PPM1L: variants seen among roughly 807,000 people sequenced by gnomAD.
PPM1L encodes the protein protein phosphatase, Mg2+/Mn2+ dependent 1L.
A neutral mutation model predicts 31.4 loss-of-function variants in PPM1L; 13 were observed. That is an observed-to-expected ratio of 0.41 (90% CI 0.27 to 0.66). The LOEUF is 0.66. Ranked by LOEUF, PPM1L falls within the 30% of genes least tolerant of loss-of-function variation. The pLI is 0.29. For missense variants in PPM1L, 326 were observed against 453.7 expected (o/e 0.72, Z 2.56); for synonymous variants, 184 against 175.4 (o/e 1.05, Z -0.39).
chr3:161,004,830 CT>C (rs1717646968), intron 2 of PPM1L, among the ~76,000 whole-genome samples: 1 of 151,998 alleles, frequency 6.6e-6, no homozygotes, highest in Admixed American at 6.5e-5. Context: ...TTTTTTGTAT[CT>C]CTATTTCCTT....
intron 1 of PPM1L, among the ~76,000 whole-genome samples, chr3:160,778,313 C>G (rs906343855): frequency 1.3e-5 from 2 of 151,932 alleles, no homozygotes; most frequent in Non-Finnish European, 2.9e-5. Context: ...CTAATACTTT[C>G]TCCTATATTT....
chr3:160,960,424 T>C (rs1301114992), intron 1 of PPM1L, among the ~76,000 whole-genome samples: 1 of 152,148 alleles, frequency 6.6e-6, no homozygotes, highest in Non-Finnish European at 1.5e-5. Context: ...CTGATAACCA[T>C]AGTCACCCTA....
intron 1 of PPM1L, among the ~76,000 whole-genome samples, chr3:160,796,106 T>C (rs1461396959): frequency 6.6e-6 from 1 of 152,224 alleles, no homozygotes; most frequent in Admixed American, 6.5e-5. Flanking sequence ...CTGGGAATGC[T>C]TAAAATAATA....
chr3:161,011,036 C>A (rs1329503983), intron 2 of PPM1L, among the ~76,000 whole-genome samples: 1 of 152,172 alleles, frequency 6.6e-6, no homozygotes, highest in Non-Finnish European at 1.5e-5. Flanking sequence ...TCCCATTTGT[C>A]AATTTTGGCT....
chr3:161,062,885 CAGTTGGTGT>C (rs1197681672), intron 2 of PPM1L, among the ~76,000 whole-genome samples: 2 of 152,130 alleles, frequency 1.3e-5, no homozygotes, highest in Non-Finnish European at 2.9e-5. Flanking sequence ...GCCTACTAGG[CAGTTGGTGT>C]AGACCTCAGG....
intron 1 of PPM1L, among the ~76,000 whole-genome samples, chr3:160,762,063 T>C (rs962106212): frequency 1.3e-5 from 2 of 152,238 alleles, no homozygotes; most frequent in Non-Finnish European, 1.5e-5. Context: ...GCTTGTATTA[T>C]ATGTATTTAT....
At chr3:161,016,210 T>C (rs1718083558) in intron 2 of PPM1L, among the ~76,000 whole-genome samples, 2 of 152,110 alleles carry the variant, frequency 1.3e-5, no homozygotes, top group Non-Finnish European at 2.9e-5. Context: ...TCTAGGCAAC[T>C]GGTAAAAAAA....
At chr3:160,987,461 C>T (rs549961265) in intron 2 of PPM1L, among the ~76,000 whole-genome samples, 1 of 152,312 alleles carries the variant, frequency 6.6e-6, no homozygotes, top group South Asian at 2.1e-4. Flanking sequence ...TATACCCAAA[C>T]TTGATGTATC....
In PPM1L at chr3:160,800,773, G is replaced by A. The variant is rs140158811; in HGVS notation, c.399+44066G>A. On this transcript the variant is annotated intron_variant, in intron 1 of 3. Coordinates refer to ENST00000498165, the MANE Select transcript of PPM1L (RefSeq NM_139245.4). ...CTGATTCTGCACCTAGGCTCTCTTGGATTAATAATGTACTCTAAGATTTGG... is the reference window on the plus strand; with the variant it reads ...CTGATTCTGCACCTAGGCTCTCTTGAATTAATAATGTACTCTAAGATTTGG... Among the ~76,000 whole-genome samples, 87 of 152,118 alleles carry A rather than the reference G, an allele frequency of 5.7e-4. No individual in the cohort carries two copies. In the East Asian group the frequency reaches 0.012, roughly 22 times the overall value.
intron 2 of PPM1L, among the ~76,000 whole-genome samples, chr3:161,028,259 G>A (rs1448719581): frequency 1.3e-5 from 2 of 152,134 alleles, no homozygotes; most frequent in Non-Finnish European, 2.9e-5. Flanking sequence ...TGAATGAAAC[G>A]GCACGTGTAA....
rs1296529520 is a variant in PPM1L, at chr3:160,976,172, A to C, written c.574+14262A>C. 5.5e-5 allele frequency among the ~76,000 whole-genome samples: 6 copies of C among 109,734 alleles called. 1 individual carries two copies. Among genetic ancestry groups the C allele is most frequent in the Admixed American group, 1.1e-4 (1 of 9,522 alleles). The allele number at this position is 109,734 out of a possible 152,430, so 72.0% of individuals were successfully genotyped here. A position where few individuals can be genotyped will look rare whatever the true frequency, so the allele number is the denominator to read the frequency against. ...TTTGGCTCTGTTTATATGCTGGATT[A>C]CATTTATTGATTTGCATATATTGAA... On this transcript the variant is annotated intron_variant, in intron 2 of 3. Transcript: ENST00000498165.
At chr3:160,970,880 C>G (rs974059870) in intron 2 of PPM1L, among the ~76,000 whole-genome samples, 11 of 149,424 alleles carry the variant, frequency 7.4e-5, no homozygotes, top group Non-Finnish European at 1.3e-4. Flanking sequence ...GGCTCCGCCC[C>G]CTGGGGTTCA....
At chr3:161,010,367 G>A (rs1576780978) in intron 2 of PPM1L, among the ~76,000 whole-genome samples, 1 of 152,064 alleles carries the variant, frequency 6.6e-6, no homozygotes, top group East Asian at 1.9e-4. Context: ...TTCCATTTAT[G>A]GCTGCATAGT....
chr3:160,764,011 T>G (rs1348826144), intron 1 of PPM1L, among the ~76,000 whole-genome samples: 11 of 152,234 alleles, frequency 7.2e-5, no homozygotes. Flanking sequence ...AAAAATAATA[T>G]GACTCCATGA....
chr3:160,920,666 C>CAT (rs71147393), intron 1 of PPM1L, among the ~76,000 whole-genome samples: 1 of 119,112 alleles, frequency 8.4e-6, no homozygotes, highest in African/African-American at 2.8e-5. Flanking sequence ...CACACACACA[C>CAT]ATATTAAAGA....
At chr3:160,938,690 T>C (rs577002676) in intron 1 of PPM1L, among the ~76,000 whole-genome samples, 3 of 152,322 alleles carry the variant, frequency 2.0e-5, no homozygotes, top group Admixed American at 2.0e-4. Flanking sequence ...CCAATCCCTT[T>C]AGCCCACTCC....
intron 1 of PPM1L, among the ~76,000 whole-genome samples, chr3:160,831,876 T>C (rs1713535714): frequency 1.3e-5 from 2 of 152,204 alleles, no homozygotes; most frequent in South Asian, 2.1e-4. Context: ...TGGCTATCTC[T>C]CTTCAGTCCC....
intron 1 of PPM1L, among the ~76,000 whole-genome samples, chr3:160,956,783 CT>C (rs1234288986): frequency 6.6e-6 from 1 of 152,212 alleles, no homozygotes; most frequent in African/African-American, 2.4e-5. Context: ...GAAAACCAGA[CT>C]TTTATTCTCT....
chr3:160,787,465 A>G (rs569404961), intron 1 of PPM1L, among the ~76,000 whole-genome samples: 26 of 151,730 alleles, frequency 1.7e-4, no homozygotes, highest in Non-Finnish European at 2.5e-4. Context: ...TGCCTAATTT[A>G]TTTAAGTTCC....
Sources: allele counts gnomAD v4.1 joint callset (sites outside exome capture counted in the v4.1 genomes callset), GRCh38; gene constraint gnomAD v4.1.1; transcripts MANE v1.5; gene names NCBI Gene and HGNC (gene_info 2026-07-23, HGNC 2026-07-21).